The following GSE1 variants were observed in gnomAD, a reference collection of about 807,000 sequenced individuals.
The protein encoded by GSE1 is Gse1 coiled-coil protein.
Under a neutral mutation model 112.6 loss-of-function variants are expected in GSE1, and 32 were observed. The ratio of observed to expected loss-of-function variants is 0.28; its 90% CI spans 0.21 to 0.38. GSE1 has a LOEUF of 0.38. Among genes scored for constraint, GSE1 ranks in the 10% least tolerant of loss-of-function variants. GSE1 has a pLI of 1.00. For synonymous variants in GSE1, 1,115 were observed against 735.6 expected, an observed-to-expected ratio of 1.52 and a Z score of -8.35; for missense variants, 2,348 against 1,699.2, an observed-to-expected ratio of 1.38 and a Z score of -6.71.
At chr16:85,207,447 G>A (rs1351214402) in intron 1 of GSE1, among the ~76,000 whole-genome samples, 4 of 152,392 alleles carry the variant, frequency 2.6e-5, no homozygotes, top group Non-Finnish European at 5.9e-5. Flanking sequence ...GATGGCAGTG[G>A]ACATGACAGA....
At chr16:85,178,009 G>A (rs1034984149) in intron 1 of GSE1, among the ~76,000 whole-genome samples, 4 of 152,180 alleles carry the variant, frequency 2.6e-5, no homozygotes, top group East Asian at 1.9e-4. Flanking sequence ...CACTCCGGGA[G>A]CATGTGGCGC....
intron 2 of GSE1, among the ~76,000 whole-genome samples, chr16:85,432,071 A>C (rs1049813457): frequency 6.6e-6 from 1 of 151,920 alleles, no homozygotes; most frequent in African/African-American, 2.4e-5. Flanking sequence ...CTCACCCCTC[A>C]CCCCTCTTCC....
chr16:85,341,583 G>A lies in GSE1; in HGVS notation c.2284-15880G>A, dbSNP rs528536729. Among the ~76,000 whole-genome samples the A allele has an allele frequency of 2.9e-4, 44 of 152,136 alleles. 1 individual carries two copies. The East Asian group carries it at 7.4e-3, about 25-fold the overall frequency. ...TGAGGCAGGAGAATCGCTTGAACCCGGGAGGCAGAGGTGCAGTGAGCAGAG... is the reference window on the plus strand; with the variant it reads ...TGAGGCAGGAGAATCGCTTGAACCCAGGAGGCAGAGGTGCAGTGAGCAGAG... On this transcript the variant is annotated intron_variant, in intron 1 of 2. Coordinates refer to the GSE1 transcript ENST00000637419.
At chr16:85,497,840 C>T (rs149680053) in intron 2 of GSE1, among the ~76,000 whole-genome samples, 1,993 of 152,272 alleles carry the variant, frequency 0.013, 23 homozygotes, top group Non-Finnish European at 0.021. Flanking sequence ...CAGCACCTGA[C>T]GTGGCAACTC....
intron 1 of GSE1, among the ~76,000 whole-genome samples, chr16:85,577,402 G>A (rs961949966): frequency 6.6e-6 from 1 of 152,198 alleles, no homozygotes. Context: ...TTCAGGGCCA[G>A]CCAGGGCAGG....
In GSE1 at chr16:85,478,845, TTCTTTCTTTCTTTCTTTCTTTCTTTC is replaced by T. The variant is rs1234659057; in HGVS notation, c.2464+121204_2464+121229del. Among the ~76,000 whole-genome samples the T allele has an allele frequency of 1.2e-3, 20 of 16,404 alleles. No homozygotes were observed. In the East Asian group the frequency reaches 0.061, roughly 50 times the overall value. The allele number at this position is 16,404 out of a possible 152,430, so 10.8% of individuals were successfully genotyped here. ...ACCATGCCCCGCTCATTTATTTTCTTTCTTTCTTTCTTTCTTTCTTTCTTTCTTTCTTTCTTTCTTTCTTTCTTTCT... is the reference window on the plus strand; with the variant it reads ...ACCATGCCCCGCTCATTTATTTTCTTTTTCTTTCTTTCTTTCTTTCTTTCT... On this transcript the variant is annotated intron_variant, in intron 2 of 2. Transcript: ENST00000637419.
At chr16:85,240,317 G>T (rs1410520099) in intron 1 of GSE1, among the ~76,000 whole-genome samples, 1 of 152,174 alleles carries the variant, frequency 6.6e-6, no homozygotes, top group Non-Finnish European at 1.5e-5. Context: ...GCTGGTTCTG[G>T]GTCCCTTCCC....
At chr16:85,312,107 C>T (rs1385946226) in intron 1 of GSE1, among the ~76,000 whole-genome samples, 2 of 151,924 alleles carry the variant, frequency 1.3e-5, no homozygotes, top group Non-Finnish European at 2.9e-5. Flanking sequence ...GACGCTCAGA[C>T]TCTCCTGCTG....
intron 1 of GSE1, among the ~76,000 whole-genome samples, chr16:85,326,886 T>C (rs1337133630): frequency 1.3e-5 from 2 of 152,256 alleles, no homozygotes; most frequent in Non-Finnish European, 2.9e-5. Context: ...CGGTTGTCTA[T>C]TACCCGGTGA....
chr16:85,392,151 C>A (rs566081587), intron 2 of GSE1, among the ~76,000 whole-genome samples: 12 of 152,068 alleles, frequency 7.9e-5, no homozygotes, highest in African/African-American at 2.9e-4. Flanking sequence ...TCCTGGGATC[C>A]GCCTCTTGAG....
At chr16:85,185,320 TTTCTC>T (rs1054749795) in intron 1 of GSE1, 11 of 152,248 alleles carry the variant, frequency 7.2e-5, no homozygotes, top group African/African-American at 2.4e-4. Flanking sequence ...GCACACAGGT[TTTCTC>T]TACTCCAACA....
intron 1 of GSE1, among the ~76,000 whole-genome samples, chr16:85,276,694 C>A (rs557589489): frequency 2.6e-5 from 4 of 152,314 alleles, no homozygotes; most frequent in African/African-American, 9.6e-5. Context: ...ACCCACCACG[C>A]TGCTCTCAGC....
intron 1 of GSE1, among the ~76,000 whole-genome samples, chr16:85,306,072 C>G (rs946009485): frequency 6.6e-6 from 1 of 152,062 alleles, no homozygotes; most frequent in Non-Finnish European, 1.5e-5. Context: ...GTCTGGGTGA[C>G]AGAGTGAGAC....
At chr16:85,616,100 A>G (rs2048354678) in intron 1 of GSE1, among the ~76,000 whole-genome samples, 1 of 152,230 alleles carries the variant, frequency 6.6e-6, no homozygotes, top group South Asian at 2.1e-4. Context: ...CGCCGGCCCC[A>G]GGAAGAGCCA....
intron 2 of GSE1, among the ~76,000 whole-genome samples, chr16:85,414,663 C>G (rs2048662875): frequency 6.6e-6 from 1 of 152,202 alleles, no homozygotes; most frequent in South Asian, 2.1e-4. Context: ...GAGATGGAGT[C>G]TTGCTCTGTC....
In GSE1 at chr16:85,654,282, C is replaced by A. The variant is rs758010485; in HGVS notation, c.431C>A (p.Ala144Asp). The A allele has an allele frequency of 6.3e-7, 1 of 1,593,446 alleles. No individual in the cohort carries two copies. The highest frequency in any genetic ancestry group is 1.4e-5 in the African/African-American group (1 of 74,068). The change falls in exon 4 of 16, where the codon GCC becomes GAC. Residue 144 changes from alanine (A) to aspartate (D), a missense_variant. Physicochemically the swap from Ala to Asp is moderately radical, Grantham distance 126. Coordinates refer to ENST00000253458, the MANE Select transcript of GSE1 (RefSeq NM_014615.5). ...CTGGACGCTCTCCTCCCGCAGGATGCCGGCTCCAGGAGCAGCAGTGGAGGT... is the reference window on the plus strand; with the variant it reads ...CTGGACGCTCTCCTCCCGCAGGATGACGGCTCCAGGAGCAGCAGTGGAGGT... Reference protein sequence around the residue: ...GVWRSESRQDAGSRSSSGGRE... With the variant: ...GVWRSESRQDDGSRSSSGGRE...
intron 2 of GSE1, among the ~76,000 whole-genome samples, chr16:85,440,678 C>T (rs762301267): frequency 1.3e-5 from 2 of 152,228 alleles, no homozygotes; most frequent in Non-Finnish European, 2.9e-5. Context: ...GCAGCTTTTA[C>T]TTTTTTCAGG....
chr16:85,382,981 G>A (rs1049299965), intron 2 of GSE1, among the ~76,000 whole-genome samples: 10 of 143,072 alleles, frequency 7.0e-5, no homozygotes, highest in African/African-American at 8.3e-5. Flanking sequence ...ACGCTCACAC[G>A]CACACATGTG....
chr16:85,191,452 C>G (rs78039197), intron 1 of GSE1, among the ~76,000 whole-genome samples: 1,960 of 152,264 alleles, frequency 0.013, 41 homozygotes, highest in African/African-American at 0.045. Flanking sequence ...GCCACATTAG[C>G]TTTCATTTTT....
Sources: allele counts gnomAD v4.1 joint callset (sites outside exome capture counted in the v4.1 genomes callset), GRCh38; gene constraint gnomAD v4.1.1; transcripts MANE v1.5; gene names NCBI Gene and HGNC (gene_info 2026-07-23, HGNC 2026-07-21).